The following TP63 variants were observed in gnomAD, a reference collection of about 807,000 sequenced individuals.
TP63 encodes tumor protein p63.
TP63 carries 17 observed loss-of-function variants against 82.8 expected under a neutral mutation model. That is an observed-to-expected ratio of 0.21 (90% confidence interval 0.14 to 0.31). TP63 has a LOEUF of 0.31. Among genes scored for constraint, TP63 ranks in the 10% least tolerant of loss-of-function variants. TP63 has a pLI of 1.00. For missense variants in TP63, 648 were observed against 895.3 expected (o/e 0.72, Z 3.52); for synonymous variants, 330 against 321.7 (o/e 1.03, Z -0.28).
intron 1 of TP63, among the ~76,000 whole-genome samples, chr3:189,648,793 C>T (rs372344738): frequency 1.4e-5 from 2 of 146,678 alleles, no homozygotes; most frequent in East Asian, 2.4e-4. Flanking sequence ...CCCTCATAGT[C>T]GTTTAGGACT....
intron 4 of TP63, among the ~76,000 whole-genome samples, chr3:189,855,306 A>T (rs1045116518): frequency 1.2e-4 from 18 of 152,184 alleles, no homozygotes; most frequent in African/African-American, 1.2e-4. Context: ...TTTATTTTTT[A>T]AAAAAGATAA....
intron 1 of TP63, among the ~76,000 whole-genome samples, chr3:189,731,239 G>A (rs1298192522): frequency 6.6e-6 from 1 of 152,134 alleles, no homozygotes; most frequent in Non-Finnish European, 1.5e-5. Context: ...AGCTGCTCAG[G>A]AGGCTGAGGC....
intron 3 of TP63, among the ~76,000 whole-genome samples, chr3:189,743,447 C>T (rs920848045): frequency 1.3e-5 from 2 of 152,016 alleles, no homozygotes; most frequent in African/African-American, 4.8e-5. Flanking sequence ...CCTGTAAGTT[C>T]CAGTTTTAGA....
chr3:189,649,341 A>T (rs1426219947), intron 1 of TP63, among the ~76,000 whole-genome samples: 4 of 146,972 alleles, frequency 2.7e-5, no homozygotes, highest in Non-Finnish European at 5.9e-5. Flanking sequence ...ATAGAACTGG[A>T]GGCTATTATT....
At chr3:189,713,076 C>A (rs890929682) in intron 1 of TP63, among the ~76,000 whole-genome samples, 1 of 152,142 alleles carries the variant, frequency 6.6e-6, no homozygotes, top group African/African-American at 2.4e-5. Flanking sequence ...ACAGAGAGGT[C>A]AGATTGGATT....
chr3:189,733,991 T>A (rs1720360143), intron 1 of TP63, among the ~76,000 whole-genome samples: 1 of 152,124 alleles, frequency 6.6e-6, no homozygotes, highest in Non-Finnish European at 1.5e-5. Flanking sequence ...TATATAACTC[T>A]GTTTTGACCT....
chr3:189,723,253 C>T (rs1458598209), intron 1 of TP63, among the ~76,000 whole-genome samples: 6 of 152,142 alleles, frequency 3.9e-5, no homozygotes, highest in East Asian at 1.9e-4. Flanking sequence ...TTGCATAGCT[C>T]GCCCAAAGTT....
rs562642822 is a variant in TP63 at position 189,864,735 on chromosome 3, G to A, written c.766+317G>A. On this transcript the variant is annotated intron_variant, in intron 5 of 13. Transcript: ENST00000264731. Reference sequence around the variant, plus strand: ...TAAAATAAAATAAGAGGCTGGGTACGGTGGCTCATGCCCGTAATCCCAGCA... The same window carrying A: ...TAAAATAAAATAAGAGGCTGGGTACAGTGGCTCATGCCCGTAATCCCAGCA... Among the ~76,000 whole-genome samples, 16 of 151,924 alleles carry A rather than the reference G, an allele frequency of 1.1e-4. No homozygotes were observed. The Middle Eastern group carries it at 0.014, about 129-fold the overall frequency.
intron 9 of TP63, among the ~76,000 whole-genome samples, chr3:189,872,064 C>G (rs1718488978): frequency 6.6e-6 from 1 of 152,270 alleles, no homozygotes; most frequent in East Asian, 1.9e-4. Flanking sequence ...TTAAGGGACT[C>G]TCTTAAAGAG....
intron 6 of TP63, among the ~76,000 whole-genome samples, chr3:189,867,354 A>G (rs766593831): frequency 1.2e-4 from 19 of 152,142 alleles, no homozygotes; most frequent in Non-Finnish European, 2.8e-4. Context: ...GTACGTATGT[A>G]CTTTGGACTA....
chr3:189,624,539 A>G, the TP63 span, among the ~76,000 whole-genome samples: 14 of 152,136 alleles, frequency 9.2e-5, no homozygotes, highest in Non-Finnish European at 1.9e-4. Flanking sequence ...TGCAGCCCCA[A>G]TCTAAGGCTT....
chr3:189,765,114 A>C (rs1186672440), intron 3 of TP63, among the ~76,000 whole-genome samples: 1 of 152,182 alleles, frequency 6.6e-6, no homozygotes, highest in Non-Finnish European at 1.5e-5. Context: ...AATTAAATAG[A>C]TGCAGCCAGT....
At chr3:189,879,067 T>C (rs1217422903) in intron 10 of TP63, among the ~76,000 whole-genome samples, 3 of 152,248 alleles carry the variant, frequency 2.0e-5, no homozygotes, top group African/African-American at 4.8e-5. Flanking sequence ...TCTCACCTCA[T>C]TGCAGAATCA....
At chr3:189,625,762 G>A in the TP63 span, among the ~76,000 whole-genome samples, 3 of 152,192 alleles carry the variant, frequency 2.0e-5, no homozygotes, top group Admixed American at 6.5e-5. Context: ...TCTCACTCAC[G>A]TGAGCTTTGA....
the TP63 span, among the ~76,000 whole-genome samples, chr3:189,620,517 CA>C: frequency 2.4e-4 from 22 of 92,660 alleles, no homozygotes; most frequent in African/African-American, 7.5e-4. Flanking sequence ...AAAAAAAAAA[CA>C]AAAAAAAAAA....
intron 10 of TP63, chr3:189,881,348 CTT>C: frequency 9.1e-6 from 9 of 985,332 alleles, no homozygotes; most frequent in Non-Finnish European, 1.1e-5. Context: ...AGCATAAAGA[CTT>C]TAAAAATGTT....
intron 3 of TP63, among the ~76,000 whole-genome samples, chr3:189,762,671 A>T (rs1288329243): frequency 6.6e-6 from 1 of 152,192 alleles, no homozygotes; most frequent in Non-Finnish European, 1.5e-5. Flanking sequence ...TTCTCATGAA[A>T]ATCTCTTCCT....
At chr3:189,877,317 C>G (rs1719347021) in intron 10 of TP63, among the ~76,000 whole-genome samples, 1 of 152,186 alleles carries the variant, frequency 6.6e-6, no homozygotes. Context: ...ATCCTATTAT[C>G]AAGGGACATC....
At chr3:189,632,464 A>G (rs1180815072) in intron 1 of TP63, among the ~76,000 whole-genome samples, 3 of 152,100 alleles carry the variant, frequency 2.0e-5, no homozygotes, top group Admixed American at 6.6e-5. Context: ...AGACTAGTAG[A>G]GTGTGAAAGA....
Sources: allele counts gnomAD v4.1 joint callset (sites outside exome capture counted in the v4.1 genomes callset), GRCh38; gene constraint gnomAD v4.1.1; transcripts MANE v1.5; gene names NCBI Gene and HGNC (gene_info 2026-07-23, HGNC 2026-07-21).